ANKRD44: variants seen among roughly 807,000 people sequenced by gnomAD.
ANKRD44 encodes serine/threonine-protein phosphatase 6 regulatory ankyrin repeat subunit B.
A neutral mutation model predicts 116.0 loss-of-function variants in ANKRD44; 35 were observed. That is an observed-to-expected ratio of 0.30 (90% confidence interval 0.23 to 0.40). The LOEUF (loss-of-function observed/expected upper bound fraction) is 0.40, where lower values mean the gene tolerates loss of function less well. Ranked by LOEUF, ANKRD44 falls within the 10% of genes least tolerant of loss-of-function variation. ANKRD44 has a pLI of 1.00. For synonymous variants in ANKRD44, 435 were observed against 461.8 expected (o/e 0.94, Z 0.74); for missense variants, 1,014 against 1,242.6 (o/e 0.82, Z 2.77).
At chr2:197,000,568 T>G (rs772571765) in intron 22 of ANKRD44, 66 bp from the exon 23 acceptor site, 78 of 1,230,568 alleles carry the variant, frequency 6.3e-5, no homozygotes, top group Non-Finnish European at 9.3e-5. Context: ...TCCTAACCCA[T>G]CTTCCTATGT....
At chr2:197,004,117 T>C (rs1352398350) in intron 21 of ANKRD44, among the ~76,000 whole-genome samples, 1 of 152,126 alleles carries the variant, frequency 6.6e-6, no homozygotes, top group African/African-American at 2.4e-5. Context: ...AATATCCATA[T>C]AATCTTAGGG....
intron 18 of ANKRD44, among the ~76,000 whole-genome samples, chr2:197,012,746 G>T (rs542476292): frequency 3.0e-4 from 45 of 152,236 alleles, no homozygotes; most frequent in South Asian, 6.2e-4. Flanking sequence ...TCACTTATTT[G>T]CTTCCTCAAT....
At chr2:197,218,316 T>C (rs949659821) in intron 1 of ANKRD44, among the ~76,000 whole-genome samples, 4 of 152,116 alleles carry the variant, frequency 2.6e-5, no homozygotes, top group Admixed American at 2.0e-4. Context: ...CAGCAACTAC[T>C]GATCCTCACC....
intron 3 of ANKRD44, among the ~76,000 whole-genome samples, chr2:197,138,679 T>C (rs2079280223): frequency 1.3e-5 from 2 of 152,204 alleles, no homozygotes; most frequent in Admixed American, 6.5e-5. Context: ...AATATATGTA[T>C]GACCACATTG....
At chr2:197,229,354 C>G (rs1248927558) in intron 1 of ANKRD44, among the ~76,000 whole-genome samples, 1 of 152,182 alleles carries the variant, frequency 6.6e-6, no homozygotes, top group Non-Finnish European at 1.5e-5. Flanking sequence ...CATTCATAAT[C>G]AAACCTCCCA....
intron 1 of ANKRD44, among the ~76,000 whole-genome samples, chr2:197,290,052 G>A (rs1284485665): frequency 2.0e-5 from 3 of 151,854 alleles, no homozygotes; most frequent in Non-Finnish European, 4.4e-5. Flanking sequence ...GAGAGACGGG[G>A]TTTCACTATG....
intron 1 of ANKRD44, among the ~76,000 whole-genome samples, chr2:197,238,269 G>A (rs537732751): frequency 3.3e-5 from 5 of 152,234 alleles, no homozygotes; most frequent in African/African-American, 1.2e-4. Context: ...CCTATAGTAG[G>A]CACTCATTAC....
Position 197,310,696 on chromosome 2 carries a change from A to C in ANKRD44, c.-92T>G. The C allele has an allele frequency of 8.1e-7, 1 of 1,235,806 alleles. No individual in the cohort carries two copies. The allele number at this position is 1,235,806 out of a possible 1,614,324, so 76.6% of individuals were successfully genotyped here. On this transcript the variant is annotated 5_prime_UTR_variant, in exon 1 of 28. Coordinates refer to ENST00000282272, the MANE Select transcript of ANKRD44 (RefSeq NM_001195144.2). The stretch of plus-strand genomic sequence containing the variant: ...GGAAGCGGAAGGGATTGCCAGGAGA[A>C]GGGAAAAAATCTGGCTCCCGAATTT...
At chr2:197,062,856 G>A (rs967894906) in intron 16 of ANKRD44, among the ~76,000 whole-genome samples, 2 of 152,250 alleles carry the variant, frequency 1.3e-5, no homozygotes, top group Admixed American at 6.5e-5. Flanking sequence ...ACAGCTCAAG[G>A]AGGCCTGCCT....
intron 16 of ANKRD44, among the ~76,000 whole-genome samples, chr2:197,056,503 A>G (rs1459183788): frequency 6.6e-6 from 1 of 152,108 alleles, no homozygotes; most frequent in East Asian, 1.9e-4. Context: ...TCTTTTTAAA[A>G]TTTCATTTTC....
In ANKRD44 at chr2:197,103,199, G is replaced by C. The variant is rs561482895; in HGVS notation, c.986-3269C>G. Among the ~76,000 whole-genome samples, 34 of 141,092 alleles carry C rather than the reference G, an allele frequency of 2.4e-4. 1 individual carries two copies. The South Asian group carries it at 7.4e-3, about 31-fold the overall frequency. The allele number at this position is 141,092 out of a possible 152,430, so 92.6% of individuals were successfully genotyped here. ...GCCAAGATTACGCCACTGCGCTCCA[G>C]CCTGGGCGACAGAGTGAGACTCCAT... is the stretch of plus-strand genomic sequence containing the variant. On this transcript the variant is annotated intron_variant, in intron 9 of 27. Transcript: ENST00000282272.
chr2:196,980,187 T>C (rs2125864477), intron 21 of ANKRD44, among the ~76,000 whole-genome samples: 1 of 152,340 alleles, frequency 6.6e-6, no homozygotes, highest in East Asian at 1.9e-4. Flanking sequence ...TTATCATCAT[T>C]TTTAGCACTG....
chr2:197,202,877 CT>C lies in ANKRD44; in HGVS notation c.28-15772del, dbSNP rs952037664. 2.4e-3 allele frequency among the ~76,000 whole-genome samples: 351 copies of C among 144,346 alleles called. 1 individual carries two copies. Among genetic ancestry groups the C allele is most frequent in the African/African-American group, 5.5e-3 (219 of 39,602 alleles). The allele number at this position is 144,346 out of a possible 152,430, so 94.7% of individuals were successfully genotyped here. A position where few individuals can be genotyped will look rare whatever the true frequency, so the allele number is the denominator to read the frequency against. On this transcript the variant is annotated intron_variant, in intron 1 of 27. Coordinates refer to ENST00000282272, the MANE Select transcript of ANKRD44 (RefSeq NM_001195144.2). ...ACAGGTGTGAGCCACCACGCCTGGC[CT>C]TTTTTTTTTTTAAGACCTAAATGGA...
At chr2:197,174,177 T>C (rs1292917383) in intron 2 of ANKRD44, among the ~76,000 whole-genome samples, 1 of 152,242 alleles carries the variant, frequency 6.6e-6, no homozygotes, top group Non-Finnish European at 1.5e-5. Context: ...TTAAATTTTT[T>C]TAATGGTGGT....
At position 197,078,706 on chromosome 2, in the gene ANKRD44, T is replaced by C; in HGVS notation, c.1647A>G (p.Glu549=). 1 of 1,610,984 alleles carries C rather than the reference T, an allele frequency of 6.2e-7. No homozygotes were observed. Among genetic ancestry groups the C allele is most frequent in the South Asian group, 1.1e-5 (1 of 91,002 alleles). The part of the protein sequence containing the change: ...AAAYGHRQCL[E]LLLERTNSGF... The stretch of plus-strand genomic sequence containing the variant: ...AAAACAAAACAAAACAACTCACCAA[T>C]TCCAGACACTGCCTGTGCCCATAGG... The change falls in exon 16 of 28, where the codon GAA becomes GAG. Residue 549 remains glutamate (E), a synonymous_variant. Transcript: ENST00000282272.
At chr2:197,062,763 G>C (rs2077343627) in intron 16 of ANKRD44, among the ~76,000 whole-genome samples, 1 of 152,260 alleles carries the variant, frequency 6.6e-6, no homozygotes, top group Admixed American at 6.5e-5. Flanking sequence ...TGGCAGCAAG[G>C]CTGGGGGAGG....
chr2:197,218,006 G>C (rs187631379), intron 1 of ANKRD44, among the ~76,000 whole-genome samples: 134 of 152,200 alleles, frequency 8.8e-4, no homozygotes, highest in Non-Finnish European at 8.8e-5. Context: ...AATAGTGCTA[G>C]TATTTACATA....
chr2:197,036,138 C>T (rs746587223), intron 16 of ANKRD44, among the ~76,000 whole-genome samples: 2 of 152,112 alleles, frequency 1.3e-5, no homozygotes, highest in African/African-American at 2.4e-5. Context: ...ACCAGAAACT[C>T]GGTAGTTTGT....
chr2:197,274,544 G>A (rs2083017931), intron 1 of ANKRD44, among the ~76,000 whole-genome samples: 1 of 152,114 alleles, frequency 6.6e-6, no homozygotes, highest in Non-Finnish European at 1.5e-5. Flanking sequence ...GCCCAAAGCA[G>A]GACACGGTGA....
Sources: allele counts gnomAD v4.1 joint callset (sites outside exome capture counted in the v4.1 genomes callset), GRCh38; gene constraint gnomAD v4.1.1; transcripts MANE v1.5; gene names NCBI Gene and HGNC (gene_info 2026-07-23, HGNC 2026-07-21).